The following TRMT10B variants were observed in gnomAD, a reference collection of about 807,000 sequenced individuals.
TRMT10B encodes the protein tRNA methyltransferase 10B.
In TRMT10B, 33 loss-of-function variants were observed where a neutral mutation model predicts 43.8. The observed-to-expected ratio is 0.75, with a 90% CI of 0.57 to 1.01. The LOEUF (loss-of-function observed/expected upper bound fraction) is 1.01. TRMT10B is among the 50% of genes least tolerant of loss of function. The pLI is 0.00. For synonymous variants in TRMT10B, 137 were observed against 130.6 expected, an observed-to-expected ratio of 1.05 and a Z score of -0.34; for missense variants, 362 against 369.8, an observed-to-expected ratio of 0.98 and a Z score of 0.17.
intron 3 of TRMT10B, 103 bp downstream of exon 3, chr9:37,762,788 G>A (rs1826506481): frequency 1.5e-5 from 20 of 1,354,800 alleles, no homozygotes; most frequent in Non-Finnish European, 1.7e-5. Context: ...AAAAGCATCT[G>A]GGATGTGGGA....
At chr9:37,770,808 G>A (rs781190813) in intron 7 of TRMT10B, 69 bp downstream of exon 7, 8 of 1,526,194 alleles carry the variant, frequency 5.2e-6, no homozygotes, top group Non-Finnish European at 7.2e-6. Context: ...CATGTGCCCT[G>A]TTATAGTCTC....
rs7022035 is a variant in TRMT10B, at chr9:37,775,686, A to G, written c.721-596A>G. ...GTAGCTGGGACTACAGGCACACACC[A>G]GCACACCCTGTTAATTTTTTTTTTG... On this transcript the variant is annotated intron_variant, in intron 7 of 8. Coordinates refer to ENST00000297994, the MANE Select transcript of TRMT10B (RefSeq NM_144964.4). Among the ~76,000 whole-genome samples the G allele has an allele frequency of 2.8e-3, 429 of 152,182 alleles. 3 individuals are homozygous for G. Among genetic ancestry groups the G allele is most frequent in the African/African-American group, 9.8e-3 (406 of 41,522 alleles).
rs147999827 is a variant in TRMT10B at position 37,755,450 on chromosome 9, A to G, written c.-30+1598A>G. ...AAAAAAAAATGCTAAATTTGGGCAT[A>G]GATAATGTCCCACACAGATTGAGCA... On this transcript the variant is annotated intron_variant, in intron 1 of 8. Coordinates refer to ENST00000297994, the MANE Select transcript of TRMT10B (RefSeq NM_144964.4). Among the ~76,000 whole-genome samples, 176 of 152,284 alleles carry G rather than the reference A, an allele frequency of 1.2e-3. 1 individual carries two copies. Among genetic ancestry groups the G allele is most frequent in the African/African-American group, 4.1e-3 (172 of 41,556 alleles).
At chr9:37,763,042 C>T (rs925634853) in intron 3 of TRMT10B, among the ~76,000 whole-genome samples, 10 of 144,830 alleles carry the variant, frequency 6.9e-5, no homozygotes, top group Admixed American at 5.7e-4. Flanking sequence ...ATTTGGGAGG[C>T]TGAGGCAGGA....
intron 5 of TRMT10B, among the ~76,000 whole-genome samples, chr9:37,769,308 TAAAAAAAAAAAAAAAAA>T (rs57651814): frequency 1.5e-4 from 9 of 60,718 alleles, no homozygotes; most frequent in African/African-American, 4.5e-4. Context: ...ACCCTGTCTT[TAAAAAAAAAAAAAAAAA>T]AAAAAAAAAA....
At chr9:37,760,881 C>T (rs1826255670) in intron 1 of TRMT10B, among the ~76,000 whole-genome samples, 1 of 152,178 alleles carries the variant, frequency 6.6e-6, no homozygotes, top group East Asian at 1.9e-4. Context: ...GACATTTGAC[C>T]ATTGACTAAA....
chr9:37,776,883 T>C (rs765750966), intron 8 of TRMT10B, among the ~76,000 whole-genome samples: 11 of 148,576 alleles, frequency 7.4e-5, no homozygotes, highest in Admixed American at 2.0e-4. Flanking sequence ...TGGGTGACAG[T>C]GATACTCTGT....
intron 6 of TRMT10B, among the ~76,000 whole-genome samples, 167 bp downstream of exon 6, chr9:37,770,186 C>T (rs1041489176): frequency 1.3e-5 from 2 of 152,196 alleles, no homozygotes; most frequent in Non-Finnish European, 2.9e-5. Context: ...TCACTGGATG[C>T]TTCGATGTGT....
intron 4 of TRMT10B, among the ~76,000 whole-genome samples, chr9:37,764,181 T>C (rs1248941212): frequency 6.6e-6 from 1 of 152,132 alleles, no homozygotes; most frequent in Non-Finnish European, 1.5e-5. Context: ...GGAGTCTTGC[T>C]TTTGTCACCT....
chr9:37,763,158 A>AC (rs60816564), intron 3 of TRMT10B, among the ~76,000 whole-genome samples: 14,214 of 145,762 alleles, frequency 0.098, 733 homozygotes, highest in South Asian at 0.15. Context: ...AAAAAAAAAA[A>AC]AAAAAAACAA....
At chr9:37,774,541 CAT>C (rs1447986251) in intron 7 of TRMT10B, among the ~76,000 whole-genome samples, 1 of 152,128 alleles carries the variant, frequency 6.6e-6, no homozygotes, top group African/African-American at 2.4e-5. Context: ...GTGCAAAGAA[CAT>C]AAACTAAATT....
intron 5 of TRMT10B, among the ~76,000 whole-genome samples, chr9:37,769,041 CTTA>C (rs1393029381): frequency 6.6e-6 from 1 of 152,078 alleles, no homozygotes; most frequent in Non-Finnish European, 1.5e-5. Flanking sequence ...GGCACGGTGG[CTTA>C]TTCCTGTAAT....
intron 2 of TRMT10B, among the ~76,000 whole-genome samples, chr9:37,762,337 TC>T (rs1377739836): frequency 6.6e-6 from 1 of 152,188 alleles, no homozygotes; most frequent in Non-Finnish European, 1.5e-5. Context: ...GGTCAGGAAA[TC>T]TAAACTCCAG....
intron 1 of TRMT10B, among the ~76,000 whole-genome samples, chr9:37,754,171 A>G (rs1825329182): frequency 6.6e-6 from 1 of 152,206 alleles, no homozygotes; most frequent in African/African-American, 2.4e-5. Flanking sequence ...GGGGGTGCGG[A>G]GTGGAGGATT....
intron 5 of TRMT10B, among the ~76,000 whole-genome samples, chr9:37,769,312 A>T (rs1039860530): frequency 2.9e-5 from 3 of 101,802 alleles, no homozygotes; most frequent in African/African-American, 1.0e-4. Flanking sequence ...TGTCTTTAAA[A>T]AAAAAAAAAA....
At chr9:37,758,204 GA>G in intron 1 of TRMT10B, among the ~76,000 whole-genome samples, 1 of 152,270 alleles carries the variant, frequency 6.6e-6, no homozygotes. Flanking sequence ...TTGAGTCCAG[GA>G]ATTCCAGACC....
At position 37,768,139 on chromosome 9, in the gene TRMT10B, C is replaced by A; in HGVS notation, c.484C>A (p.Pro162Thr). Reference sequence around the variant, plus strand: ...TGGTTCAAACAAAAAAGCTGACAGGCCATTTTGGATCTGCCTCACTGGATT... The same window carrying A: ...TGGTTCAAACAAAAAAGCTGACAGGACATTTTGGATCTGCCTCACTGGATT... ...LYGSNKKADR[P>T]FWICLTGFTT... is the part of the protein sequence containing the mutation. Residue 162 changes from proline to threonine, a missense_variant, in exon 5 of 9, where the codon CCA (proline) becomes ACA (threonine). Pro to Thr is a conservative substitution (Grantham distance 38). Transcript: ENST00000297994. 3 of 1,614,068 alleles carry A rather than the reference C, an allele frequency of 1.9e-6. No homozygotes were observed. Among genetic ancestry groups the A allele is most frequent in the Non-Finnish European group, 2.5e-6 (3 of 1,179,982 alleles).
At chr9:37,755,371 GGT>G (rs1491151058) in intron 1 of TRMT10B, among the ~76,000 whole-genome samples, 2 of 151,196 alleles carry the variant, frequency 1.3e-5, no homozygotes, top group Admixed American at 1.3e-4. Flanking sequence ...GATGCCCTTA[GGT>G]GTGTTTTTAA....
intron 7 of TRMT10B, among the ~76,000 whole-genome samples, chr9:37,771,765 TAC>T (rs1827607714): frequency 6.6e-6 from 1 of 152,216 alleles, no homozygotes; most frequent in Admixed American, 6.5e-5. Flanking sequence ...GATTTAACAT[TAC>T]AGTAAAGCAT....
Sources: gnomAD v4.1 joint callset for allele counts (sites outside exome capture counted in the v4.1 genomes callset) on GRCh38, gnomAD v4.1.1 for gene constraint, MANE v1.5 for transcripts, NCBI Gene and HGNC (gene_info 2026-07-23, HGNC 2026-07-21) for gene names.